GPR63: variants seen among roughly 807,000 people sequenced by gnomAD.
GPR63 encodes G protein-coupled receptor 63, also known as probable G protein-coupled receptor 63.
A neutral mutation model predicts 23.1 loss-of-function variants in GPR63; 12 were observed. The observed-to-expected ratio is 0.52, with a 90% CI of 0.33 to 0.84. GPR63 has a LOEUF of 0.84. GPR63 is among the 40% of genes least tolerant of loss of function. The pLI is 0.02. For synonymous variants in GPR63, 172 were observed against 191.1 expected (o/e 0.90, Z 0.82); for missense variants, 472 against 515.6 (o/e 0.92, Z 0.82).
At chr6:96,803,371 T>C (rs575585959) in intron 1 of GPR63, among the ~76,000 whole-genome samples, 3 of 152,354 alleles carry the variant, frequency 2.0e-5, no homozygotes, top group East Asian at 1.9e-4. Context: ...GAGATTCTAA[T>C]CAACTTTTCA....
intron 1 of GPR63, among the ~76,000 whole-genome samples, chr6:96,835,913 G>A (rs117975266): frequency 0.026 from 3,914 of 152,100 alleles, 76 homozygotes; most frequent in Non-Finnish European, 0.034. Flanking sequence ...TGTACGTAAC[G>A]CATATACCAG....
chr6:96,812,858 T>C (rs1191088504), intron 1 of GPR63, among the ~76,000 whole-genome samples: 4 of 152,090 alleles, frequency 2.6e-5, no homozygotes, highest in Non-Finnish European at 5.9e-5. Context: ...ACATTTCAAG[T>C]TCTCTCTTCT....
At chr6:96,809,723 C>G (rs1328876300) in intron 1 of GPR63, among the ~76,000 whole-genome samples, 3 of 152,154 alleles carry the variant, frequency 2.0e-5, no homozygotes, top group African/African-American at 4.8e-5. Flanking sequence ...CCTAAATTAT[C>G]TTACTATAAG....
chr6:96,820,781 T>C (rs1774294989), intron 1 of GPR63, among the ~76,000 whole-genome samples: 1 of 152,332 alleles, frequency 6.6e-6, no homozygotes, highest in South Asian at 2.1e-4. Flanking sequence ...TGACCCCATA[T>C]GCCTATCTTC....
chr6:96,816,762 G>A (rs1451990849), intron 1 of GPR63, among the ~76,000 whole-genome samples: 1 of 152,162 alleles, frequency 6.6e-6, no homozygotes, highest in Non-Finnish European at 1.5e-5. Flanking sequence ...GAAATGCTGG[G>A]AAGCTAAGCA....
chr6:96,821,278 A>T (rs1036617568), intron 1 of GPR63, among the ~76,000 whole-genome samples: 2 of 152,222 alleles, frequency 1.3e-5, no homozygotes, highest in Non-Finnish European at 2.9e-5. Context: ...CACATCCTCT[A>T]CAACACCAAC....
intron 1 of GPR63, among the ~76,000 whole-genome samples, chr6:96,821,299 C>G (rs757597150): frequency 6.6e-6 from 1 of 152,194 alleles, no homozygotes; most frequent in Non-Finnish European, 1.5e-5. Context: ...CTTTCAGTGA[C>G]ATTTAGGATT....
chr6:96,797,134 G>A lies in GPR63; in HGVS notation c.*1338C>T, dbSNP rs1366256715. 6.6e-6 allele frequency: 1 copy of A among 152,136 alleles called. No individual in the cohort carries two copies. Among genetic ancestry groups the A allele is most frequent in the African/African-American group, 2.4e-5 (1 of 41,420 alleles). 9.4% of individuals were successfully genotyped at this position (152,136 alleles called of 1,614,324 possible). On this transcript the variant is annotated 3_prime_UTR_variant, in exon 2 of 2. Transcript: ENST00000229955. ...TGGTTCCAGCTATTCAGGAGGCTGA[G>A]ACAGGAGGATTACCTGAGCCTGGGA...
At position 96,797,578 on chromosome 6, in the gene GPR63, A is replaced by T. The variant is rs1472107868; in HGVS notation, c.*894T>A. On this transcript the variant is annotated 3_prime_UTR_variant, in exon 2 of 2. Transcript: ENST00000229955. ...ACCTACCTCACAACATCCTGTAAGG[A>T]TAAAATGATGCACAGTGCCTGACAC... 1 of 152,200 alleles carries T rather than the reference A, an allele frequency of 6.6e-6. No homozygotes were observed. Among genetic ancestry groups the T allele is most frequent in the Admixed American group, 6.5e-5 (1 of 15,274 alleles). 9.4% of individuals were successfully genotyped at this position (152,200 alleles called of 1,614,324 possible).
At chr6:96,799,908 G>A (rs1212613095) in intron 1 of GPR63, 27 bp from the exon 2 acceptor site, 5 of 637,520 alleles carry the variant, frequency 7.8e-6, no homozygotes, top group Middle Eastern at 2.5e-4. Flanking sequence ...AACACAAAAA[G>A]TAAATGAGAA....
chr6:96,799,558 G>A lies in GPR63; in HGVS notation c.174C>T (p.Ser58=). 1 of 1,614,140 alleles carries A rather than the reference G, an allele frequency of 6.2e-7. No individual in the cohort carries two copies. Among genetic ancestry groups the A allele is most frequent in the South Asian group, 1.1e-5 (1 of 91,082 alleles). Residue 58 remains serine (S), a synonymous_variant, in exon 2 of 2, where the codon TCC becomes TCT. Coordinates refer to ENST00000229955, the MANE Select transcript of GPR63 (RefSeq NM_030784.4). ...GCACAGCTGTACTATTCACGGTCAA[G>A]GAACTCAAACCAGTGGGAGCCATGG... The part of the protein sequence containing the change: ...FETMAPTGLS[S]LTVNSTAVPT...
chr6:96,835,580 A>G (rs1280439254), intron 1 of GPR63, among the ~76,000 whole-genome samples: 1 of 152,216 alleles, frequency 6.6e-6, no homozygotes, highest in African/African-American at 2.4e-5. Context: ...GCAGTCCAGC[A>G]AACTTAAGGT....
chr6:96,828,688 T>A (rs1391770577), intron 1 of GPR63, among the ~76,000 whole-genome samples: 1 of 151,820 alleles, frequency 6.6e-6, no homozygotes, highest in Non-Finnish European at 1.5e-5. Context: ...TCCAAGTCAG[T>A]CTTCATTCTA....
chr6:96,819,727 A>AAAAAAAAC (rs942284391), intron 1 of GPR63, among the ~76,000 whole-genome samples: 1 of 151,532 alleles, frequency 6.6e-6, no homozygotes, highest in Non-Finnish European at 1.5e-5. Context: ...AAATTGCCAA[A>AAAAAAAAC]AAAAAAACAA....
intron 1 of GPR63, among the ~76,000 whole-genome samples, chr6:96,835,953 T>C (rs747349220): frequency 1.3e-3 from 202 of 152,188 alleles, no homozygotes; most frequent in Non-Finnish European, 2.0e-3. Context: ...TTTATTTAAA[T>C]AAGCTCCCAC....
rs1337206894 is a variant in GPR63, at chr6:96,831,326, T to C, written c.-151+5942A>G. 2.0e-5 allele frequency among the ~76,000 whole-genome samples: 3 copies of C among 152,108 alleles called. No homozygotes were observed. In the South Asian group the frequency reaches 6.2e-4, roughly 31 times the overall value. ...CTGAGCACTCATGAATGGTTTTGGA[T>C]TGAGGCTAAATCTCTATAAAATGGG... On this transcript the variant is annotated intron_variant, in intron 1 of 1. Transcript: ENST00000229955.
At chr6:96,806,201 C>T (rs895323139) in intron 1 of GPR63, among the ~76,000 whole-genome samples, 6 of 152,090 alleles carry the variant, frequency 3.9e-5, no homozygotes, top group East Asian at 1.9e-4. Context: ...GACACATGTG[C>T]GACAGAGTGA....
chr6:96,814,914 A>G (rs1774126529), intron 1 of GPR63, among the ~76,000 whole-genome samples: 1 of 152,220 alleles, frequency 6.6e-6, no homozygotes, highest in African/African-American at 2.4e-5. Flanking sequence ...CAAAATGTGG[A>G]TAAGGAAAAT....
chr6:96,825,811 T>C lies in GPR63; in HGVS notation c.-151+11457A>G, dbSNP rs184977076. ...TTACCTTAGTCTTTTTTTTTATTTATTCAGCTTCATTTACTACTATACTTG... is the reference window on the plus strand; with the variant it reads ...TTACCTTAGTCTTTTTTTTTATTTACTCAGCTTCATTTACTACTATACTTG... On this transcript the variant is annotated intron_variant, in intron 1 of 1. Transcript: ENST00000229955. 2.5e-4 allele frequency among the ~76,000 whole-genome samples: 38 copies of C among 152,176 alleles called. 1 individual carries two copies. In the East Asian group the frequency reaches 7.1e-3, roughly 29 times the overall value.
Sources: gnomAD v4.1 joint callset for allele counts (sites outside exome capture counted in the v4.1 genomes callset) on GRCh38, gnomAD v4.1.1 for gene constraint, MANE v1.5 for transcripts, NCBI Gene and HGNC (gene_info 2026-07-23, HGNC 2026-07-21) for gene names.